The following WHRN variants were observed in gnomAD, a reference collection of about 807,000 sequenced individuals.
WHRN encodes CASK-interacting protein CIP98.
Under a neutral mutation model 68.3 loss-of-function variants are expected in WHRN, and 41 were observed. That is an observed-to-expected ratio of 0.60 (90% CI 0.47 to 0.78). WHRN has a LOEUF of 0.78. WHRN is among the 30% of genes least tolerant of loss of function. The pLI, the probability that WHRN is intolerant of heterozygous loss-of-function variation, is 0.00. For missense variants in WHRN, 1,243 were observed against 1,244.7 expected, an observed-to-expected ratio of 1.00 and a Z score of 0.02; for synonymous variants, 560 against 561.3, an observed-to-expected ratio of 1.00 and a Z score of 0.03.
At chr9:114,493,295 G>A (rs534274836) in intron 1 of WHRN, among the ~76,000 whole-genome samples, 91 of 139,944 alleles carry the variant, frequency 6.5e-4, no homozygotes, top group Non-Finnish European at 1.2e-3. Flanking sequence ...AAGCTGCAGA[G>A]AGCTGTTATC....
intron 3 of WHRN, among the ~76,000 whole-genome samples, chr9:114,457,574 T>G (rs1385717988): frequency 1.3e-5 from 2 of 151,994 alleles, no homozygotes; most frequent in Non-Finnish European, 2.9e-5. Flanking sequence ...AACATTACAT[T>G]TTGGTAATCA....
At chr9:114,430,903 G>T (rs1420363144) in intron 3 of WHRN, among the ~76,000 whole-genome samples, 1 of 152,092 alleles carries the variant, frequency 6.6e-6, no homozygotes, top group African/African-American at 2.4e-5. Flanking sequence ...GTCTCCACAG[G>T]GCCCTCCGCA....
Position 114,406,674 on chromosome 9 carries a change from G to C in WHRN, c.1917C>G (p.Thr639=), listed in dbSNP as rs765742359. Residue 639 remains threonine (T), a synonymous_variant, in exon 9 of 12, where the codon ACC becomes ACG. Coordinates refer to ENST00000362057, the MANE Select transcript of WHRN (RefSeq NM_015404.4). ...AAGAGGGCAAGTCCTGTGCAGAGGA[G>C]GTCCCTGGGGTGGGTGCGGTGCCCG... ...PPAGTAPTPG[T]SSAQDLPSSP... The C allele has an allele frequency of 1.2e-6, 2 of 1,613,988 alleles. No homozygotes were observed. Among genetic ancestry groups the C allele is most frequent in the Non-Finnish European group, 1.7e-6 (2 of 1,180,028 alleles).
intron 1 of WHRN, among the ~76,000 whole-genome samples, chr9:114,495,567 A>G (rs1843384064): frequency 6.6e-6 from 1 of 152,204 alleles, no homozygotes; most frequent in Non-Finnish European, 1.5e-5. Flanking sequence ...AGATAAATAC[A>G]CTAAAAGGAG....
intron 1 of WHRN, among the ~76,000 whole-genome samples, chr9:114,489,785 T>C (rs1000880384): frequency 6.6e-6 from 1 of 152,252 alleles, no homozygotes; most frequent in Admixed American, 6.5e-5. Flanking sequence ...ACCTTTTCTA[T>C]GCAGCTGGAG....
intron 1 of WHRN, among the ~76,000 whole-genome samples, chr9:114,502,199 T>A (rs1031289281): frequency 2.0e-5 from 3 of 152,148 alleles, no homozygotes; most frequent in Non-Finnish European, 4.4e-5. Context: ...GGGGTGACCC[T>A]GGGGCAAGAG....
intron 3 of WHRN, among the ~76,000 whole-genome samples, chr9:114,441,007 T>C (rs1838325149): frequency 1.3e-5 from 2 of 152,192 alleles, no homozygotes; most frequent in African/African-American, 4.8e-5. Flanking sequence ...GTGCCACAGA[T>C]TGAGGTCTGC....
chr9:114,471,795 A>G (rs1241413404), intron 2 of WHRN, among the ~76,000 whole-genome samples: 1 of 152,226 alleles, frequency 6.6e-6, no homozygotes, highest in Non-Finnish European at 1.5e-5. Context: ...GATGTCTGCT[A>G]GGGGATTCTG....
Position 114,409,051 on chromosome 9 carries a change from G to A in WHRN, c.1627-1033C>T, listed in dbSNP as rs77290234. 7.8e-3 allele frequency among the ~76,000 whole-genome samples: 1,193 copies of A among 152,322 alleles called. 15 individuals are homozygous for A. The highest frequency in any genetic ancestry group is 0.027 in the African/African-American group (1,119 of 41,558). Reference sequence around the variant, plus strand: ...TTCCCTGGGCCTCCGACTTGCAGATGGCAGATCAGGGGACTTCTCAACCTC... The same window carrying A: ...TTCCCTGGGCCTCCGACTTGCAGATAGCAGATCAGGGGACTTCTCAACCTC... On this transcript the variant is annotated intron_variant, in intron 7 of 11. Transcript: ENST00000362057.
rs191248392 is a variant in WHRN at position 114,463,249 on chromosome 9, C to G, written c.963+3018G>C. Among the ~76,000 whole-genome samples, 43 of 152,334 alleles carry G rather than the reference C, an allele frequency of 2.8e-4. No homozygotes were observed. The East Asian group carries it at 7.3e-3, about 26-fold the overall frequency. On this transcript the variant is annotated intron_variant, in intron 3 of 11. Transcript: ENST00000362057. ...GTGTTGGCTGCCAGGAAGCTCAGAG[C>G]CAAGTCTGTGTCCTGCCTGTAGCTG... is the stretch of plus-strand genomic sequence containing the variant.
chr9:114,491,009 TC>T (rs1842928820), intron 1 of WHRN, among the ~76,000 whole-genome samples: 1 of 152,252 alleles, frequency 6.6e-6, no homozygotes, highest in African/African-American at 2.4e-5. Context: ...TCTTTTTTTT[TC>T]TTTAAGGAAG....
At chr9:114,467,150 A>G (rs1840780857) in intron 2 of WHRN, among the ~76,000 whole-genome samples, 1 of 150,660 alleles carries the variant, frequency 6.6e-6, no homozygotes, top group Non-Finnish European at 1.5e-5. Flanking sequence ...GGGGTCTCCT[A>G]TCACCTGGGG....
chr9:114,492,494 C>A (rs762805347), intron 1 of WHRN, among the ~76,000 whole-genome samples: 5 of 152,170 alleles, frequency 3.3e-5, no homozygotes, highest in Non-Finnish European at 7.3e-5. Context: ...CATCATACAT[C>A]GCTTGGTGTA....
intron 2 of WHRN, among the ~76,000 whole-genome samples, chr9:114,470,032 G>A (rs1841071415): frequency 6.6e-6 from 1 of 152,142 alleles, no homozygotes; most frequent in South Asian, 2.1e-4. Flanking sequence ...GTGATGACAC[G>A]GGGCCCACCC....
chr9:114,408,138 C>T (rs995183342), intron 7 of WHRN, 120 bp from the exon 8 acceptor site: 5 of 772,694 alleles, frequency 6.5e-6, no homozygotes, highest in Middle Eastern at 2.2e-4. Context: ...TCATGTGAGC[C>T]CTGACATACC....
chr9:114,490,182 G>A (rs1315423728), intron 1 of WHRN, among the ~76,000 whole-genome samples: 4 of 152,208 alleles, frequency 2.6e-5, no homozygotes, highest in Admixed American at 6.5e-5. Flanking sequence ...GGACCACAGA[G>A]CATTGGTGTG....
intron 3 of WHRN, among the ~76,000 whole-genome samples, chr9:114,433,030 T>C (rs1013384169): frequency 3.9e-5 from 6 of 152,094 alleles, no homozygotes; most frequent in Non-Finnish European, 8.8e-5. Flanking sequence ...ATTTTACAGA[T>C]GAGGAAGCCG....
chr9:114,406,469 G>A lies in WHRN; in HGVS notation c.2122C>T (p.Pro708Ser), dbSNP rs945712185. The A allele has an allele frequency of 1.9e-6, 3 of 1,614,148 alleles. No homozygotes were observed. The highest frequency in any genetic ancestry group is 2.5e-6 in the Non-Finnish European group (3 of 1,180,046). The change falls in exon 9 of 12, where the codon CCC (proline) becomes TCC (serine). Residue 708 changes from proline to serine, a missense_variant. Coordinates refer to ENST00000362057, the MANE Select transcript of WHRN (RefSeq NM_015404.4). ...VAGGCLLPPS[P>S]SGHPDQTGTN... ...CCTGTCTGGTCTGGGTGGCCAGAGG[G>A]TGATGGGGGCAGAAGGCAGCCCCCA...
intron 3 of WHRN, among the ~76,000 whole-genome samples, chr9:114,445,037 G>GTTATTATTATTATTATTA (rs566119848): frequency 2.6e-4 from 39 of 150,800 alleles, no homozygotes; most frequent in African/African-American, 9.0e-4. Flanking sequence ...GTTTTTTAAT[G>GTTATTATTATTATTATTA]TTATTATTAT....
Sources: gnomAD v4.1 joint callset for allele counts (sites outside exome capture counted in the v4.1 genomes callset) on GRCh38, gnomAD v4.1.1 for gene constraint, MANE v1.5 for transcripts, NCBI Gene and HGNC (gene_info 2026-07-23, HGNC 2026-07-21) for gene names.